The following EYS variants were observed in gnomAD, a reference collection of about 807,000 sequenced individuals.
EYS encodes EGF-like photoreceptor maintenance factor, also known as protein eyes shut homolog.
In EYS, 250 loss-of-function variants were observed where a neutral mutation model predicts 282.1. The observed-to-expected ratio is 0.89, with a 90% confidence interval of 0.80 to 0.98. EYS has a LOEUF of 0.98. Among genes scored for constraint, EYS ranks in the 50% least tolerant of loss-of-function variants. The probability of loss-of-function intolerance (pLI) is 0.00; values close to 1 mark genes in which losing one functional copy is unlikely to be tolerated. For synonymous variants in EYS, 1,355 were observed against 1,282.9 expected (o/e 1.06, Z -1.20); for missense variants, 4,016 against 3,709.0 (o/e 1.08, Z -2.15).
At chr6:64,133,860 CT>C (rs1436375045) in intron 31 of EYS, among the ~76,000 whole-genome samples, 3 of 149,650 alleles carry the variant, frequency 2.0e-5, no homozygotes, top group Non-Finnish European at 4.5e-5. Context: ...TTTTCTTTCT[CT>C]TTCCTGAGGT....
intron 22 of EYS, among the ~76,000 whole-genome samples, chr6:64,703,028 T>G (rs1017841170): frequency 2.0e-5 from 3 of 151,978 alleles, no homozygotes; most frequent in African/African-American, 7.3e-5. Flanking sequence ...TTTTTCACAC[T>G]CTCAAGAACT....
intron 30 of EYS, among the ~76,000 whole-genome samples, chr6:64,271,611 A>C (rs1167160251): frequency 6.6e-6 from 1 of 152,062 alleles, no homozygotes; most frequent in East Asian, 1.9e-4. Flanking sequence ...AAAGAGTGTC[A>C]TATGTATTCT....
intron 2 of EYS, among the ~76,000 whole-genome samples, chr6:65,502,401 A>T (rs1329593607): frequency 6.6e-6 from 1 of 151,710 alleles, no homozygotes; most frequent in Non-Finnish European, 1.5e-5. Flanking sequence ...TGTTAAAAAA[A>T]TTTAGTAGAG....
intron 11 of EYS, 94 bp downstream of exon 11, chr6:65,334,886 A>T: frequency 8.2e-7 from 1 of 1,219,752 alleles, no homozygotes; most frequent in African/African-American, 1.5e-5. Flanking sequence ...TTTAATCAAC[A>T]AAAACATTGT....
intron 31 of EYS, among the ~76,000 whole-genome samples, chr6:64,199,311 T>C (rs1274479722): frequency 2.6e-5 from 4 of 152,146 alleles, no homozygotes; most frequent in African/African-American, 9.7e-5. Flanking sequence ...TTGACAAACC[T>C]GATAAGAACA....
chr6:64,689,862 AC>A (rs1770307266), intron 22 of EYS, among the ~76,000 whole-genome samples: 1 of 152,170 alleles, frequency 6.6e-6, no homozygotes, highest in Non-Finnish European at 1.5e-5. Context: ...TAGACCTAAA[AC>A]CATAAAAACG....
chr6:63,891,086 G>T (rs1773395065), intron 35 of EYS, among the ~76,000 whole-genome samples: 1 of 152,148 alleles, frequency 6.6e-6, no homozygotes, highest in Non-Finnish European at 1.5e-5. Flanking sequence ...TGAAACTGAG[G>T]CAGTAATTAA....
intron 35 of EYS, among the ~76,000 whole-genome samples, chr6:63,901,980 C>T (rs1007825563): frequency 6.6e-6 from 1 of 152,034 alleles, no homozygotes; most frequent in East Asian, 1.9e-4. Flanking sequence ...GCAACTTCTG[C>T]CCCCCTGGTT....
At chr6:64,846,939 G>A (rs980351542) in intron 19 of EYS, among the ~76,000 whole-genome samples, 1 of 152,098 alleles carries the variant, frequency 6.6e-6, no homozygotes, top group African/African-American at 2.4e-5. Context: ...TTCTGGGTGT[G>A]TATGTGAAGG....
intron 2 of EYS, among the ~76,000 whole-genome samples, chr6:65,580,970 T>G (rs558674322): frequency 2.0e-4 from 30 of 152,274 alleles, no homozygotes; most frequent in Non-Finnish European, 3.2e-4. Context: ...TGGTTAAATA[T>G]AATTTGACAT....
At chr6:63,792,053 C>T (rs1770531190) in intron 37 of EYS, among the ~76,000 whole-genome samples, 1 of 151,852 alleles carries the variant, frequency 6.6e-6, no homozygotes, top group South Asian at 2.1e-4. Context: ...CAGAATCTGG[C>T]TTAAAGAACC....
intron 2 of EYS, among the ~76,000 whole-genome samples, chr6:65,597,252 C>G (rs1765441915): frequency 6.6e-6 from 1 of 152,030 alleles, no homozygotes; most frequent in Non-Finnish European, 1.5e-5. Context: ...AAGAGTGAAC[C>G]AAGAAACAGC....
intron 11 of EYS, among the ~76,000 whole-genome samples, chr6:65,301,773 C>T (rs1768838537): frequency 6.6e-6 from 1 of 152,244 alleles, no homozygotes; most frequent in Non-Finnish European, 1.5e-5. Flanking sequence ...ATGACGAACA[C>T]CCCTAAACTC....
intron 31 of EYS, among the ~76,000 whole-genome samples, chr6:64,155,180 T>G (rs1179153146): frequency 6.6e-6 from 1 of 152,140 alleles, no homozygotes; most frequent in Non-Finnish European, 1.5e-5. Context: ...CTGGAGAGAA[T>G]GATGAATAAT....
intron 36 of EYS, among the ~76,000 whole-genome samples, chr6:63,810,073 C>G (rs552163835): frequency 6.8e-6 from 1 of 146,052 alleles, no homozygotes; most frequent in South Asian, 2.2e-4. Flanking sequence ...AACCCCGCCT[C>G]TACTTTAAAA....
intron 31 of EYS, among the ~76,000 whole-genome samples, chr6:64,143,596 A>T (rs1774414707): frequency 6.6e-6 from 1 of 152,166 alleles, no homozygotes; most frequent in Admixed American, 6.5e-5. Context: ...ATACCCACTA[A>T]TGAATGGGAT....
Position 65,490,621 on chromosome 6 carries a change from T to G in EYS, c.835A>C (p.Ile279Leu), listed in dbSNP as rs748549031. The change falls in exon 5 of 43, where the codon ATT (isoleucine) becomes CTT (leucine). Residue 279 changes from isoleucine to leucine, a missense_variant. Coordinates refer to ENST00000503581, the MANE Select transcript of EYS (RefSeq NM_001142800.2). The part of the protein sequence containing the change: ...NCSNITSNSF[I>L]CECDEQFSGP... ...GAAAATTGCTCATCACATTCACAAA[T>G]GAAACTATTTGAAGTAATATTGCTG... The G allele has an allele frequency of 6.2e-7, 1 of 1,611,070 alleles. No homozygotes were observed. Among genetic ancestry groups the G allele is most frequent in the South Asian group, 1.1e-5 (1 of 90,956 alleles).
At chr6:65,106,659 T>G (rs1775047193) in intron 12 of EYS, among the ~76,000 whole-genome samples, 1 of 152,100 alleles carries the variant, frequency 6.6e-6, no homozygotes, top group African/African-American at 2.4e-5. Context: ...ACACATTTCT[T>G]TTGAAATTGG....
intron 36 of EYS, among the ~76,000 whole-genome samples, chr6:63,807,484 G>C (rs2149679501): frequency 6.6e-6 from 1 of 152,164 alleles, no homozygotes; most frequent in East Asian, 1.9e-4. Flanking sequence ...ATTATCAAAG[G>C]CTTGTATATC....
Sources: allele counts gnomAD v4.1 joint callset (sites outside exome capture counted in the v4.1 genomes callset), GRCh38; gene constraint gnomAD v4.1.1; transcripts MANE v1.5; gene names NCBI Gene and HGNC (gene_info 2026-07-23, HGNC 2026-07-21).